The following MS4A6E variants were observed in gnomAD, a reference collection of about 807,000 sequenced individuals.
MS4A6E encodes membrane spanning 4-domains A6E, also known as membrane-spanning 4-domains subfamily A member 6E.
Under a neutral mutation model 13.2 loss-of-function variants are expected in MS4A6E, and 8 were observed. That is an observed-to-expected ratio of 0.60 (90% CI 0.35 to 1.09). The LOEUF (loss-of-function observed/expected upper bound fraction) is 1.09, where lower values mean the gene tolerates loss of function less well. Among genes scored for constraint, MS4A6E ranks in the 50% least tolerant of loss-of-function variants. The pLI is 0.02. For synonymous variants in MS4A6E, 72 were observed against 67.6 expected (o/e 1.06, Z -0.32); for missense variants, 177 against 171.1 (o/e 1.03, Z -0.19).
In MS4A6E at chr11:60,334,914, T is replaced by C; in HGVS notation, c.19T>C (p.Ser7Pro). The C allele has an allele frequency of 1.2e-6, 2 of 1,614,076 alleles. No homozygotes were observed. The highest frequency in any genetic ancestry group is 1.7e-6 in the Non-Finnish European group (2 of 1,179,934). The change falls in exon 2 of 5, where the codon TCC becomes CCC. Residue 7 changes from serine to proline, a missense_variant. Physicochemically the swap from Ser to Pro is moderately conservative, Grantham distance 74 (BLOSUM62 -1). Transcript: ENST00000684409. Reference sequence around the variant, plus strand: ...CACCATTATGACATCACAACCTATTTCCAATGAGACCATCATAATGCTCCC... The same window carrying C: ...CACCATTATGACATCACAACCTATTCCCAATGAGACCATCATAATGCTCCC... Reference protein sequence around the residue: MTSQPISNETIIMLPSN... With the variant: MTSQPIPNETIIMLPSN...
Position 60,334,991 on chromosome 11 carries a change from G to C in MS4A6E, c.96G>C (p.Gln32His). The C allele has an allele frequency of 3.1e-6, 5 of 1,614,142 alleles. No homozygotes were observed. Among genetic ancestry groups the C allele is most frequent in the Non-Finnish European group, 4.2e-6 (5 of 1,180,028 alleles). The change falls in exon 2 of 5, where the codon CAG (glutamine) becomes CAC (histidine). Residue 32 changes from glutamine (Q) to histidine (H), a missense_variant. Transcript: ENST00000684409. ...SQAEKPEPTN[Q>H]GQDSLKKRLQ... is the part of the protein sequence containing the mutation. ...CAGAGAAACCCGAACCCACCAACCA[G>C]GGGCAGGATAGCCTGAAGAAACGTC...
chr11:60,348,763 TG>T (rs994174718), intron 4 of MS4A6E, among the ~76,000 whole-genome samples: 1 of 152,240 alleles, frequency 6.6e-6, no homozygotes, highest in Non-Finnish European at 1.5e-5. Flanking sequence ...CCCAGTAACC[TG>T]GGGGATTGGC....
chr11:60,337,618 T>A lies in MS4A6E; in HGVS notation c.148-123T>A, dbSNP rs2135061193. The A allele has an allele frequency of 4.2e-6, 5 of 1,191,806 alleles. No individual in the cohort carries two copies. In the South Asian group the frequency reaches 7.2e-5, roughly 17 times the overall value. The allele number at this position is 1,191,806 out of a possible 1,614,324, so 73.8% of individuals were successfully genotyped here. ...CACTGGAGAGGCCTACAACAAGAAATGATCCCTCCGGGACTTCCTGAGGGA... is the reference window on the plus strand; with the variant it reads ...CACTGGAGAGGCCTACAACAAGAAAAGATCCCTCCGGGACTTCCTGAGGGA... On this transcript the variant is annotated intron_variant, in intron 2 of 4. Coordinates refer to ENST00000684409, the MANE Select transcript of MS4A6E (RefSeq NM_139249.4).
chr11:60,329,776 C>T (rs1372532151), intron 1 of MS4A6E, among the ~76,000 whole-genome samples: 2 of 150,182 alleles, frequency 1.3e-5, no homozygotes, highest in Non-Finnish European at 3.0e-5. Flanking sequence ...GTTTGTTAGC[C>T]ATATAAATTT....
chr11:60,340,742 G>C (rs1241190332), intron 4 of MS4A6E, 34 bp from the exon 5 acceptor site: 1 of 197,676 alleles, frequency 5.1e-6, no homozygotes, highest in Non-Finnish European at 1.1e-5. Context: ...AACATACTTT[G>C]TTTCTTCTAA....
At chr11:60,343,957 G>A (rs4939341), downstream of MS4A6E, among the ~76,000 whole-genome samples, 1,903 of 152,204 alleles carry the variant, frequency 0.013, 86 homozygotes, top group Admixed American at 0.085. Flanking sequence ...AAGAGAGAGA[G>A]AAGGGAGAGC....
chr11:60,339,002 A>T (rs2085206772), intron 3 of MS4A6E, among the ~76,000 whole-genome samples: 1 of 152,246 alleles, frequency 6.6e-6, no homozygotes, highest in African/African-American at 2.4e-5. Flanking sequence ...GGACGATTTT[A>T]TATTGGAAAT....
At chr11:60,345,985 T>C (rs539609498), downstream of MS4A6E, among the ~76,000 whole-genome samples, 2 of 152,326 alleles carry the variant, frequency 1.3e-5, no homozygotes, top group South Asian at 4.1e-4. Flanking sequence ...GAAGGAGGTC[T>C]ACCTTCCTTC....
At position 60,339,910 on chromosome 11, in the gene MS4A6E, C is replaced by T. The variant is rs199559316; in HGVS notation, c.399C>T (p.Cys133=). The T allele has an allele frequency of 6.2e-7, 1 of 1,613,848 alleles. No homozygotes were observed. The highest frequency in any genetic ancestry group is 8.5e-7 in the Non-Finnish European group (1 of 1,179,792). The stretch of plus-strand genomic sequence containing the variant: ...TGGTTTCTACTGTGTTGGAGTTCTG[C>T]CTAGCTGTGCTCACTGCTGTGCTGC... The part of the protein sequence containing the change: ...LMLVSTVLEF[C]LAVLTAVLQW... Residue 133 remains cysteine (C), a synonymous_variant, in exon 4 of 5, where the codon TGC becomes TGT. Coordinates refer to ENST00000684409, the MANE Select transcript of MS4A6E (RefSeq NM_139249.4).
chr11:60,330,376 C>G (rs1157407549), intron 1 of MS4A6E, among the ~76,000 whole-genome samples: 2 of 107,286 alleles, frequency 1.9e-5, no homozygotes, highest in African/African-American at 7.3e-5. Flanking sequence ...GAGTCTCACT[C>G]TTTTGCCCAG....
At chr11:60,346,754 C>T (rs2135069183) in intron 4 of MS4A6E, among the ~76,000 whole-genome samples, 2 of 152,276 alleles carry the variant, frequency 1.3e-5, no homozygotes, top group Admixed American at 1.3e-4. Flanking sequence ...AATGGTGTTT[C>T]CATTATTCCT....
downstream of MS4A6E, among the ~76,000 whole-genome samples, chr11:60,343,433 A>G (rs1002187327): frequency 2.0e-4 from 31 of 152,348 alleles, no homozygotes; most frequent in African/African-American, 7.0e-4. Context: ...TCCAACCGGA[A>G]TTCCATATTG....
rs761090891 is a variant in MS4A6E, at chr11:60,339,831, C to T, written c.355-35C>T. 27 of 1,588,316 alleles carry T rather than the reference C, an allele frequency of 1.7e-5. 1 individual carries two copies. Among genetic ancestry groups the T allele is most frequent in the Admixed American group, 6.7e-5 (4 of 59,870 alleles). The stretch of plus-strand genomic sequence containing the variant: ...CTAGGCATGAAAGCTTCGGCTGACC[C>T]AAGCATCACTGATATTTTATTTCTT... On this transcript the variant is annotated intron_variant, in intron 3 of 4. Transcript: ENST00000684409.
intron 1 of MS4A6E, among the ~76,000 whole-genome samples, chr11:60,334,064 GA>G (rs977410855): frequency 4.6e-5 from 7 of 152,230 alleles, no homozygotes; most frequent in Non-Finnish European, 1.0e-4. Context: ...AGTGGGCCAT[GA>G]GTCCAGCATT....
intron 2 of MS4A6E, chr11:60,335,534 T>C: frequency 2.2e-6 from 1 of 455,372 alleles, no homozygotes; most frequent in South Asian, 1.6e-5. Flanking sequence ...ATCCAGAGTT[T>C]ATTAAAGAAG....
downstream of MS4A6E, among the ~76,000 whole-genome samples, chr11:60,343,898 T>C (rs2085244256): frequency 6.6e-6 from 1 of 152,128 alleles, no homozygotes; most frequent in South Asian, 2.1e-4. Context: ...CTTTTACTGC[T>C]GAGGGGGTTG....
intron 1 of MS4A6E, among the ~76,000 whole-genome samples, chr11:60,332,566 C>A (rs1026489832): frequency 6.6e-6 from 1 of 152,238 alleles, no homozygotes; most frequent in Non-Finnish European, 1.5e-5. Context: ...TCCCTAAGGA[C>A]ATCTGTCCTT....
intron 1 of MS4A6E, among the ~76,000 whole-genome samples, chr11:60,334,189 C>A (rs1038010218): frequency 6.6e-6 from 1 of 152,146 alleles, no homozygotes; most frequent in Non-Finnish European, 1.5e-5. Context: ...CACCCTGTTT[C>A]AGCACTAGGG....
chr11:60,334,857 G>C (rs937935579), intron 1 of MS4A6E, 25 bp from the exon 2 acceptor site: 1 of 1,610,796 alleles, frequency 6.2e-7, no homozygotes, highest in Non-Finnish European at 8.5e-7. Context: ...ACTTTTAAGA[G>C]CTAAATCTAT....
Sources: allele counts gnomAD v4.1 joint callset (sites outside exome capture counted in the v4.1 genomes callset), GRCh38; gene constraint gnomAD v4.1.1; transcripts MANE v1.5; gene names NCBI Gene and HGNC (gene_info 2026-07-23, HGNC 2026-07-21).